DLGAP2: variants seen among roughly 807,000 people sequenced by gnomAD.
The protein encoded by DLGAP2 is disks large-associated protein 2.
DLGAP2 carries 26 observed loss-of-function variants against 100.3 expected under a neutral mutation model. The ratio of observed to expected loss-of-function variants is 0.26; its 90% CI spans 0.19 to 0.36. The LOEUF (loss-of-function observed/expected upper bound fraction) is 0.36, where lower values mean the gene tolerates loss of function less well. DLGAP2 is among the 10% of genes least tolerant of loss of function. The pLI is 1.00. For synonymous variants in DLGAP2, 886 were observed against 630.1 expected, an observed-to-expected ratio of 1.41 and a Z score of -6.08; for missense variants, 1,858 against 1,453.2, an observed-to-expected ratio of 1.28 and a Z score of -4.53.
rs1248776466 is a variant in DLGAP2, at chr8:1,561,515, C to T, written c.1231-4168C>T. 3.3e-5 allele frequency among the ~76,000 whole-genome samples: 5 copies of T among 152,148 alleles called. No individual in the cohort carries two copies. The East Asian group carries it at 9.7e-4, about 29-fold the overall frequency. On this transcript the variant is annotated intron_variant, in intron 5 of 14. Transcript: ENST00000637795. ...TGGGTGGAGGGAGAATCTGGAACTT[C>T]CCATCCTGTCCAACCCTCTCCTCAT... is the stretch of plus-strand genomic sequence containing the variant.
At chr8:1,092,730 C>T (rs1480333417) in intron 2 of DLGAP2, among the ~76,000 whole-genome samples, 3 of 152,256 alleles carry the variant, frequency 2.0e-5, no homozygotes, top group African/African-American at 4.8e-5. Flanking sequence ...CCTGAGGTCC[C>T]GACTTGGCCT....
intron 3 of DLGAP2, among the ~76,000 whole-genome samples, chr8:1,311,316 A>C (rs1352286544): frequency 6.6e-6 from 1 of 152,254 alleles, no homozygotes; most frequent in Non-Finnish European, 1.5e-5. Context: ...AATATCCAGA[A>C]TCAGATACGT....
At chr8:1,659,918 A>C (rs901540479) in intron 8 of DLGAP2, among the ~76,000 whole-genome samples, 1 of 152,070 alleles carries the variant, frequency 6.6e-6, no homozygotes, top group African/African-American at 2.4e-5. Context: ...CCGTTAGTTG[A>C]TGTAGTTTCT....
At chr8:1,665,464 C>T (rs1798519521) in intron 8 of DLGAP2, among the ~76,000 whole-genome samples, 1 of 152,182 alleles carries the variant, frequency 6.6e-6, no homozygotes, top group Non-Finnish European at 1.5e-5. Context: ...AGGTGAACCT[C>T]GCTGGGAAAA....
At chr8:1,620,185 C>G (rs575117928) in intron 6 of DLGAP2, among the ~76,000 whole-genome samples, 1 of 152,316 alleles carries the variant, frequency 6.6e-6, no homozygotes, top group South Asian at 2.1e-4. Context: ...CCCATATCCA[C>G]TGAAACTGTC....
chr8:1,230,645 G>C (rs1056966929), intron 2 of DLGAP2, among the ~76,000 whole-genome samples: 1 of 151,930 alleles, frequency 6.6e-6, no homozygotes, highest in Non-Finnish European at 1.5e-5. Flanking sequence ...GCATGGCACT[G>C]GTACAAAAAC....
chr8:1,370,627 G>A (rs1802214938), intron 3 of DLGAP2, among the ~76,000 whole-genome samples: 1 of 152,186 alleles, frequency 6.6e-6, no homozygotes, highest in East Asian at 1.9e-4. Context: ...AGGGAGCACG[G>A]GGAGCTGTCA....
intron 3 of DLGAP2, among the ~76,000 whole-genome samples, chr8:1,350,849 G>A (rs1390888062): frequency 1.5e-5 from 1 of 65,250 alleles, no homozygotes; most frequent in Non-Finnish European, 3.2e-5. Context: ...AAGGCCGTGC[G>A]GGTCCTGACA....
chr8:1,128,085 C>A lies in DLGAP2; in HGVS notation c.74-130766C>A, dbSNP rs1487823154. 2.6e-5 allele frequency among the ~76,000 whole-genome samples: 4 copies of A among 151,910 alleles called. 1 individual carries two copies. In the East Asian group the frequency reaches 7.8e-4, roughly 30 times the overall value. ...TGCACCATATCCCGGTGTTGTGTTC[C>A]ATGAGGACCTGCTCCCCGTGTTGTG... On this transcript the variant is annotated intron_variant, in intron 2 of 14. Transcript: ENST00000637795.
chr8:1,502,666 A>G (rs986485543), intron 4 of DLGAP2, among the ~76,000 whole-genome samples: 9 of 152,166 alleles, frequency 5.9e-5, no homozygotes, highest in African/African-American at 2.2e-4. Flanking sequence ...CAGTCTGGCA[A>G]TACTCCATCG....
intron 3 of DLGAP2, among the ~76,000 whole-genome samples, chr8:1,410,021 G>A (rs894765742): frequency 1.3e-5 from 2 of 152,152 alleles, no homozygotes; most frequent in African/African-American, 4.8e-5. Context: ...AACCCTGACC[G>A]ATACGTGCTG....
At chr8:1,023,504 G>A (rs1801687199) in intron 2 of DLGAP2, among the ~76,000 whole-genome samples, 1 of 152,176 alleles carries the variant, frequency 6.6e-6, no homozygotes, top group Non-Finnish European at 1.5e-5. Flanking sequence ...CTGGAGTCCT[G>A]TTTGAGGTCC....
chr8:870,008 C>CAA (rs576493428), intron 1 of DLGAP2, among the ~76,000 whole-genome samples: 6,395 of 120,948 alleles, frequency 0.053, 224 homozygotes, highest in African/African-American at 0.11. Flanking sequence ...GCCTAATTTA[C>CAA]AAAAAAAAAA....
intron 3 of DLGAP2, among the ~76,000 whole-genome samples, chr8:1,426,355 G>A (rs1026037447): frequency 6.6e-6 from 1 of 152,204 alleles, no homozygotes; most frequent in African/African-American, 2.4e-5. Context: ...GGAGGGAAAT[G>A]CTGAGTTGCC....
intron 2 of DLGAP2, among the ~76,000 whole-genome samples, chr8:1,159,868 C>T (rs934996556): frequency 6.6e-6 from 1 of 152,132 alleles, no homozygotes; most frequent in Non-Finnish European, 1.5e-5. Context: ...TGTCTACAGG[C>T]CCCCCAACCC....
chr8:1,237,288 G>A (rs1416941673), intron 2 of DLGAP2, among the ~76,000 whole-genome samples: 651 of 129,166 alleles, frequency 5.0e-3, no homozygotes, highest in Non-Finnish European at 8.0e-3. Flanking sequence ...CACACATAGC[G>A]TCATGTCTAG....
rs573434240 is a variant in DLGAP2, at chr8:1,204,454, A to G, written c.74-54397A>G. ...TGGAAGCCAGGCTGACCGTGTAATG[A>G]CCGTGTGTGGTCTTGAGCAACTTAC... On this transcript the variant is annotated intron_variant, in intron 2 of 14. Transcript: ENST00000637795. 1.7e-3 allele frequency among the ~76,000 whole-genome samples: 254 copies of G among 152,332 alleles called. 2 individuals are homozygous for G. The highest frequency in any genetic ancestry group is 2.9e-3 in the Non-Finnish European group (197 of 68,036).
intron 2 of DLGAP2, among the ~76,000 whole-genome samples, chr8:924,871 C>G (rs1197249781): frequency 1.3e-5 from 2 of 152,160 alleles, no homozygotes; most frequent in African/African-American, 4.8e-5. Context: ...CCAGCATGAG[C>G]CACCGCGCCT....
chr8:1,460,791 G>A (rs568905081), intron 3 of DLGAP2, among the ~76,000 whole-genome samples: 1 of 152,306 alleles, frequency 6.6e-6, no homozygotes, highest in African/African-American at 2.4e-5. Context: ...AATCAGAGAA[G>A]ATACTTTATG....
Sources: gnomAD v4.1 joint callset for allele counts (sites outside exome capture counted in the v4.1 genomes callset) on GRCh38, gnomAD v4.1.1 for gene constraint, MANE v1.5 for transcripts, NCBI Gene and HGNC (gene_info 2026-07-23, HGNC 2026-07-21) for gene names.